The following XYLT1 variants were observed in gnomAD, a reference collection of about 807,000 sequenced individuals.
XYLT1 encodes xylosyltransferase 1.
XYLT1 carries 36 observed loss-of-function variants against 91.3 expected under a neutral mutation model. The observed-to-expected ratio is 0.39, with a 90% confidence interval of 0.30 to 0.52. The LOEUF (loss-of-function observed/expected upper bound fraction) is 0.52, where lower values mean the gene tolerates loss of function less well. Among genes scored for constraint, XYLT1 ranks in the 20% least tolerant of loss-of-function variants. The probability of loss-of-function intolerance (pLI) is 0.68; values close to 1 mark genes in which losing one functional copy is unlikely to be tolerated. For missense variants in XYLT1, 1,242 were observed against 1,284.5 expected (o/e 0.97, Z 0.51); for synonymous variants, 588 against 532.0 (o/e 1.11, Z -1.45).
chr16:17,156,640 G>A (rs1462674766), intron 6 of XYLT1, among the ~76,000 whole-genome samples: 1 of 152,230 alleles, frequency 6.6e-6, no homozygotes, highest in African/African-American at 2.4e-5. Flanking sequence ...GCTGCATTGA[G>A]TGGCTGTGAA....
At position 17,259,034 on chromosome 16, in the gene XYLT1, T is replaced by A; in HGVS notation, c.867A>T (p.Leu289Phe). 4 of 1,515,166 alleles carry A rather than the reference T, an allele frequency of 2.6e-6. No homozygotes were observed. Among genetic ancestry groups the A allele is most frequent in the Non-Finnish European group, 3.5e-6 (4 of 1,131,952 alleles). 93.9% of individuals were successfully genotyped at this position (1,515,166 alleles called of 1,614,324 possible). ...TCACCTTCTCAGGCATCAGCAGCCC[T>A]AACTTGTGGCGGCAGTAAGTCTCCC... ...EIGETYCRHK[L>F]GLLMPEKVTR... Residue 289 changes from leucine to phenylalanine, a missense_variant, in exon 3 of 12, where the codon TTA (leucine) becomes TTT (phenylalanine). Leu to Phe is a conservative substitution (Grantham distance 22, BLOSUM62 0). Around this residue, in one of 3 missense-constraint regions of XYLT1, gnomAD observed 437 missense variants for 411.5 expected, o/e 1.06. Coordinates refer to ENST00000261381, the MANE Select transcript of XYLT1 (RefSeq NM_022166.4).
At chr16:17,391,195 T>A (rs1370121569) in intron 1 of XYLT1, among the ~76,000 whole-genome samples, 1 of 152,214 alleles carries the variant, frequency 6.6e-6, no homozygotes, top group African/African-American at 2.4e-5. Context: ...CCTTTTGAGA[T>A]GTCTTTTCAG....
chr16:17,447,389 G>A (rs1244142976), intron 1 of XYLT1, among the ~76,000 whole-genome samples: 1 of 152,210 alleles, frequency 6.6e-6, no homozygotes, highest in Non-Finnish European at 1.5e-5. Context: ...CTGGAAAACA[G>A]GACTCAAGCA....
intron 6 of XYLT1, among the ~76,000 whole-genome samples, chr16:17,152,463 A>T (rs1178313748): frequency 2.0e-5 from 3 of 152,230 alleles, no homozygotes; most frequent in Non-Finnish European, 4.4e-5. Context: ...GATATTAATG[A>T]TCTCCTTGCA....
At chr16:17,404,235 G>A (rs1409601269) in intron 1 of XYLT1, among the ~76,000 whole-genome samples, 1 of 152,192 alleles carries the variant, frequency 6.6e-6, no homozygotes, top group Non-Finnish European at 1.5e-5. Flanking sequence ...GAAACCAAAA[G>A]AGTCTCAGAT....
intron 2 of XYLT1, among the ~76,000 whole-genome samples, chr16:17,347,981 C>G (rs2035168521): frequency 6.6e-6 from 1 of 152,098 alleles, no homozygotes; most frequent in Admixed American, 6.5e-5. Flanking sequence ...GCTAGGGGTA[C>G]AGACACAGCC....
At chr16:17,300,801 T>C (rs574028033) in intron 2 of XYLT1, among the ~76,000 whole-genome samples, 24 of 152,206 alleles carry the variant, frequency 1.6e-4, no homozygotes, top group South Asian at 2.1e-4. Flanking sequence ...ATATATATAC[T>C]GAACCAGAAC....
chr16:17,410,439 A>G (rs2036092722), intron 1 of XYLT1, among the ~76,000 whole-genome samples: 1 of 152,176 alleles, frequency 6.6e-6, no homozygotes, highest in African/African-American at 2.4e-5. Flanking sequence ...AAGGGAAGAG[A>G]GAGCTTGTGC....
intron 3 of XYLT1, among the ~76,000 whole-genome samples, chr16:17,258,450 G>A (rs1001088023): frequency 1.3e-5 from 2 of 151,164 alleles, no homozygotes; most frequent in South Asian, 2.1e-4. Context: ...GGAGGAAAAA[G>A]GGAGAAAGAA....
chr16:17,358,131 T>TTTA, intron 1 of XYLT1, 81 bp from the exon 2 acceptor site: 1 of 198,400 alleles, frequency 5.0e-6, no homozygotes, highest in Non-Finnish European at 8.0e-6. Flanking sequence ...CTTTCTTTCC[T>TTTA]TTTTTTTTTT....
chr16:17,460,849 G>A (rs1176999735), intron 1 of XYLT1, among the ~76,000 whole-genome samples: 1 of 152,050 alleles, frequency 6.6e-6, no homozygotes, highest in Non-Finnish European at 1.5e-5. Flanking sequence ...CCCACCCACG[G>A]GCCATGGATT....
chr16:17,438,469 G>T (rs192916504), intron 1 of XYLT1, among the ~76,000 whole-genome samples: 2 of 152,116 alleles, frequency 1.3e-5, no homozygotes, highest in African/African-American at 4.8e-5. Context: ...CATACGCTAC[G>T]TAAGAGTGGA....
intron 3 of XYLT1, among the ~76,000 whole-genome samples, chr16:17,242,854 G>GA (rs1251208820): frequency 6.6e-6 from 1 of 152,160 alleles, no homozygotes; most frequent in Admixed American, 6.5e-5. Context: ...GTGTAAGGGG[G>GA]AATCACACAG....
At chr16:17,350,954 C>T (rs1173551639) in intron 2 of XYLT1, among the ~76,000 whole-genome samples, 2 of 152,164 alleles carry the variant, frequency 1.3e-5, no homozygotes, top group African/African-American at 2.4e-5. Flanking sequence ...AAGATCTTCT[C>T]CATCAGTCCA....
chr16:17,355,512 C>T (rs1179332021), intron 2 of XYLT1: 1 of 152,126 alleles, frequency 6.6e-6, no homozygotes, highest in African/African-American at 2.4e-5. Flanking sequence ...AGACACGTTT[C>T]CCAAAGGGTA....
intron 1 of XYLT1, chr16:17,369,553 A>T (rs2035501964): frequency 6.6e-6 from 1 of 152,166 alleles, no homozygotes; most frequent in African/African-American, 2.4e-5. Context: ...CCCACAAAGG[A>T]AGGTACCATG....
intron 2 of XYLT1, among the ~76,000 whole-genome samples, chr16:17,315,446 G>A (rs558734309): frequency 1.1e-4 from 16 of 152,242 alleles, no homozygotes; most frequent in Non-Finnish European, 1.6e-4. Context: ...GAGAATTCTC[G>A]CTCCCCTAAC....
intron 11 of XYLT1, among the ~76,000 whole-genome samples, chr16:17,114,419 G>A (rs1190956045): frequency 6.6e-6 from 1 of 152,204 alleles, no homozygotes; most frequent in African/African-American, 2.4e-5. Flanking sequence ...CTGGGGTGGA[G>A]AGTGTTGGAA....
chr16:17,381,139 G>C (rs1273682361), intron 1 of XYLT1, among the ~76,000 whole-genome samples: 1 of 152,132 alleles, frequency 6.6e-6, no homozygotes, highest in East Asian at 1.9e-4. Flanking sequence ...TCTAGAGTGA[G>C]AGAAAGCTCA....
Sources: allele counts gnomAD v4.1 joint callset (sites outside exome capture counted in the v4.1 genomes callset), GRCh38; gene constraint gnomAD v4.1.1; regional missense constraint gnomAD v4.1.1; transcripts MANE v1.5; gene names NCBI Gene and HGNC (gene_info 2026-07-23, HGNC 2026-07-21).